The following AKAP13 variants were observed in gnomAD, a reference collection of about 807,000 sequenced individuals.
The protein encoded by AKAP13 is A-kinase anchoring protein 13, also known as A-kinase anchor protein 13.
AKAP13 carries 80 observed loss-of-function variants against 264.5 expected under a neutral mutation model. The observed-to-expected ratio is 0.30, with a 90% CI of 0.25 to 0.36. AKAP13 has a LOEUF of 0.36. AKAP13 is among the 10% of genes least tolerant of loss of function. The pLI, the probability that AKAP13 is intolerant of heterozygous loss-of-function variation, is 1.00. For missense variants in AKAP13, 3,712 were observed against 3,435.2 expected (o/e 1.08, Z -2.01); for synonymous variants, 1,380 against 1,250.2 (o/e 1.10, Z -2.19).
At chr15:85,526,550 C>T (rs905929324) in intron 3 of AKAP13, among the ~76,000 whole-genome samples, 8 of 152,124 alleles carry the variant, frequency 5.3e-5, no homozygotes, top group South Asian at 4.1e-4. Flanking sequence ...GGATTACAGG[C>T]GTGACCCACC....
At chr15:85,462,558 G>C (rs1451307472) in intron 1 of AKAP13, among the ~76,000 whole-genome samples, 1 of 152,112 alleles carries the variant, frequency 6.6e-6, no homozygotes, top group Non-Finnish European at 1.5e-5. Context: ...ATTCTCAAGA[G>C]ACCAACTAAT....
chr15:85,643,644 AC>A (rs1283318067), intron 9 of AKAP13, among the ~76,000 whole-genome samples: 1 of 151,978 alleles, frequency 6.6e-6, no homozygotes, highest in Non-Finnish European at 1.5e-5. Context: ...GTGTTCCAAA[AC>A]CCTTCTGGTA....
chr15:85,591,474 G>A (rs1413324529), intron 8 of AKAP13, among the ~76,000 whole-genome samples: 4 of 152,056 alleles, frequency 2.6e-5, no homozygotes, highest in Non-Finnish European at 5.9e-5. Context: ...AATCTGTTTA[G>A]CTGCAACTAA....
At chr15:85,461,761 TTAAAG>T (rs1393091683) in intron 1 of AKAP13, among the ~76,000 whole-genome samples, 1 of 152,172 alleles carries the variant, frequency 6.6e-6, no homozygotes. Context: ...ACATGACAGT[TTAAAG>T]TAGAGTGACA....
Position 85,580,562 on chromosome 15 carries a change from T to A in AKAP13, c.2494T>A (p.Ser832Thr), listed in dbSNP as rs1342712281. 6.2e-7 allele frequency: 1 copy of A among 1,614,100 alleles called. No homozygotes were observed. Among genetic ancestry groups the A allele is most frequent in the African/African-American group, 1.3e-5 (1 of 75,006 alleles). The change falls in exon 7 of 37, where the codon TCG (serine) becomes ACG (threonine). Residue 832 changes from serine to threonine, a missense_variant. Transcript: ENST00000394518. The part of the protein sequence containing the change: ...TDYRDGPDGN[S>T]NEPDTRPLED... Reference sequence around the variant, plus strand: ...TTATAGAGATGGCCCAGATGGAAATTCGAATGAGCCTGATACGCGGCCACT... The same window carrying A: ...TTATAGAGATGGCCCAGATGGAAATACGAATGAGCCTGATACGCGGCCACT...
intron 5 of AKAP13, among the ~76,000 whole-genome samples, chr15:85,560,601 T>C (rs16941447): frequency 0.22 from 32,801 of 152,084 alleles, 4,044 homozygotes; most frequent in Non-Finnish European, 0.28. Context: ...GTCTGATAGT[T>C]TCACTTTGTC....
chr15:85,682,055 C>T (rs755629217), intron 14 of AKAP13, 103 bp from the exon 15 acceptor site: 93 of 1,073,900 alleles, frequency 8.7e-5, no homozygotes, highest in Non-Finnish European at 1.2e-4. Flanking sequence ...GACTTTCACA[C>T]GCTGTTTTTG....
chr15:85,517,387 TAAAGG>T (rs2076646087), intron 2 of AKAP13, among the ~76,000 whole-genome samples: 1 of 152,124 alleles, frequency 6.6e-6, no homozygotes, highest in Non-Finnish European at 1.5e-5. Context: ...TTTTCCCAGT[TAAAGG>T]AAAGCCTCAG....
At chr15:85,692,289 G>A (rs2085329891) in intron 16 of AKAP13, among the ~76,000 whole-genome samples, 1 of 152,114 alleles carries the variant, frequency 6.6e-6, no homozygotes, top group Non-Finnish European at 1.5e-5. Context: ...ATATTGCTAA[G>A]CATTATTGTG....
chr15:85,681,394 G>T (rs1194381359), intron 14 of AKAP13, among the ~76,000 whole-genome samples: 1 of 152,110 alleles, frequency 6.6e-6, no homozygotes, highest in Non-Finnish European at 1.5e-5. Context: ...TTATTAACAT[G>T]TGGTAGATAA....
At chr15:85,458,386 G>GTTTTTTTTTTTTTTTTTTTTTTTTTTTT (rs1160050565) in intron 1 of AKAP13, among the ~76,000 whole-genome samples, 2 of 103,930 alleles carry the variant, frequency 1.9e-5, no homozygotes, top group African/African-American at 1.0e-4. Context: ...TGTATTTTTT[G>GTTTTTTTTTTTTTTTTTTTTTTTTTTTT]TTTTTTGTTT....
intron 8 of AKAP13, among the ~76,000 whole-genome samples, chr15:85,621,977 T>C (rs942389359): frequency 9.2e-5 from 14 of 152,162 alleles, no homozygotes; most frequent in African/African-American, 3.4e-4. Flanking sequence ...AAATAAACAC[T>C]AGGAGTCCTG....
At chr15:85,637,609 C>T (rs1196977339) in intron 8 of AKAP13, among the ~76,000 whole-genome samples, 2 of 151,928 alleles carry the variant, frequency 1.3e-5, no homozygotes, top group African/African-American at 2.4e-5. Flanking sequence ...TATTGTTCTT[C>T]TGTATTCTAT....
intron 30 of AKAP13, 52 bp from the exon 31 acceptor site, chr15:85,734,940 T>A (rs962763458): frequency 1.3e-6 from 2 of 1,594,270 alleles, no homozygotes; most frequent in African/African-American, 2.7e-5. Flanking sequence ...TGAACTTGTT[T>A]TCCCCTCATT....
chr15:85,560,153 A>G (rs757684442), intron 5 of AKAP13, among the ~76,000 whole-genome samples: 229 of 151,238 alleles, frequency 1.5e-3, no homozygotes, highest in Admixed American at 2.8e-3. Context: ...AAAAAAAAAA[A>G]AAAACAGTAA....
At chr15:85,705,938 T>C (rs750916262) in intron 17 of AKAP13, among the ~76,000 whole-genome samples, 6 of 152,244 alleles carry the variant, frequency 3.9e-5, no homozygotes, top group Non-Finnish European at 8.8e-5. Flanking sequence ...TACCATACAG[T>C]ACCTCTTTTT....
chr15:85,662,408 G>A, intron 12 of AKAP13: 2 of 1,614,078 alleles, frequency 1.2e-6, no homozygotes, highest in East Asian at 2.2e-5. Flanking sequence ...TGCCCCTCTG[G>A]TGTGCAGTAC....
chr15:85,735,683 C>T, intron 32 of AKAP13, 53 bp downstream of exon 32: 1 of 1,505,174 alleles, frequency 6.6e-7, no homozygotes, highest in South Asian at 1.2e-5. Flanking sequence ...CCTCTGAATT[C>T]ATAACCTTTG....
chr15:85,555,944 A>G (rs2078127646), intron 5 of AKAP13, among the ~76,000 whole-genome samples: 1 of 152,244 alleles, frequency 6.6e-6, no homozygotes, highest in African/African-American at 2.4e-5. Context: ...TTATAACAAA[A>G]ACCCTAATAT....
Sources: gnomAD v4.1 joint callset for allele counts (sites outside exome capture counted in the v4.1 genomes callset) on GRCh38, gnomAD v4.1.1 for gene constraint, MANE v1.5 for transcripts, NCBI Gene and HGNC (gene_info 2026-07-23, HGNC 2026-07-21) for gene names.